The following CSF2RA variants were observed in gnomAD, a reference collection of about 807,000 sequenced individuals.
CSF2RA encodes the protein granulocyte-macrophage colony-stimulating factor receptor subunit alpha.
A neutral mutation model predicts 51.6 loss-of-function variants in CSF2RA; 42 were observed. The ratio of observed to expected loss-of-function variants is 0.81; its 90% confidence interval spans 0.64 to 1.05. The LOEUF (loss-of-function observed/expected upper bound fraction) is 1.05. Ranked by LOEUF, CSF2RA falls within the 50% of genes least tolerant of loss-of-function variation. The pLI is 0.00. For missense variants in CSF2RA, 530 were observed against 501.1 expected, an observed-to-expected ratio of 1.06 and a Z score of -0.55; for synonymous variants, 222 against 193.0, an observed-to-expected ratio of 1.15 and a Z score of -1.24.
Position 1,309,413 on chromosome X carries a change from G to C in CSF2RA, c.1137G>C (p.Glu379Asp). The part of the protein sequence containing the change: ...NHEVEDEIIW[E>D]EFTPEEGKGY... ...CTCCTTTTTCTCAGATCATCTGGGA[G>C]GAATTCACCCCAGAGGAAGGGAAAG... Residue 379 changes from glutamate (E) to aspartate (D), a missense_variant, in exon 13 of 13, where the codon GAG (glutamate) becomes GAC (aspartate). Coordinates refer to ENST00000381529, the MANE Select transcript of CSF2RA (RefSeq NM_172245.4). The C allele has an allele frequency of 3.7e-6, 6 of 1,613,936 alleles. No individual in the cohort carries two copies. Among genetic ancestry groups the C allele is most frequent in the Non-Finnish European group, 4.2e-6 (5 of 1,179,840 alleles).
intron 7 of CSF2RA, 42 bp downstream of exon 7, chrX:1,290,551 A>G: frequency 6.3e-7 from 1 of 1,597,350 alleles, no homozygotes; most frequent in Non-Finnish European, 8.6e-7. Context: ...TTATAGGTGA[A>G]ATGGAATTTG....
At chrX:1,314,927 G>A (rs189177523), downstream of CSF2RA, among the ~76,000 whole-genome samples, 18 of 44,284 alleles carry the variant, frequency 4.1e-4, 3 homozygotes, top group African/African-American at 1.5e-3. Context: ...CTGCCCAACC[G>A]CACTGCACTT....
chrX:1,280,934 C>CCTCCTCCTGCTTCTCCTCCTCCTCCTT (rs2089886635), intron 2 of CSF2RA, among the ~76,000 whole-genome samples: 2 of 77,312 alleles, frequency 2.6e-5, no homozygotes, highest in African/African-American at 1.0e-4. Flanking sequence ...TCCTTCTCCT[C>CCTCCTCCTGCTTCTCCTCCTCCTCCTT]CTCCTCCTCC....
At chrX:1,285,280 A>G (rs754939271) in intron 3 of CSF2RA, among the ~76,000 whole-genome samples, 45 of 152,032 alleles carry the variant, frequency 3.0e-4, no homozygotes, top group African/African-American at 1.1e-3. Flanking sequence ...AGGAGGGAAG[A>G]TGGACAAGGG....
At chrX:1,318,916 CAAA>C in the CSF2RA span, among the ~76,000 whole-genome samples, 2 of 137,338 alleles carry the variant, frequency 1.5e-5, no homozygotes, top group African/African-American at 5.4e-5. Context: ...GACTCCATCT[CAAA>C]AAAAAAAAAG....
chrX:1,321,594 C>T, the CSF2RA span, among the ~76,000 whole-genome samples: 1 of 148,436 alleles, frequency 6.7e-6, no homozygotes, highest in African/African-American at 2.5e-5. Context: ...AAAAAAGAAA[C>T]GCAGACAGCA....
At chrX:1,285,334 G>A (rs1323201660) in intron 3 of CSF2RA, among the ~76,000 whole-genome samples, 2 of 152,068 alleles carry the variant, frequency 1.3e-5, no homozygotes, top group Non-Finnish European at 2.9e-5. Context: ...GGGCCATGTG[G>A]GTGACAGAGG....
downstream of CSF2RA, among the ~76,000 whole-genome samples, chrX:1,314,544 AT>A (rs2084410604): frequency 1.7e-4 from 19 of 110,364 alleles, 1 homozygote; most frequent in African/African-American, 4.1e-4. Context: ...CACCTGCCCA[AT>A]CCCACTGCAC....
intron 1 of CSF2RA, among the ~76,000 whole-genome samples, chrX:1,271,812 C>T (rs60814436): frequency 0.12 from 18,296 of 151,970 alleles, 1,392 homozygotes; most frequent in East Asian, 0.27. Context: ...CCACGGAGCC[C>T]GGCCGGATTT....
At chrX:1,272,703 C>T (rs1195919612) in intron 1 of CSF2RA, among the ~76,000 whole-genome samples, 10 of 151,444 alleles carry the variant, frequency 6.6e-5, no homozygotes, top group African/African-American at 2.2e-4. Context: ...GTTGGCCAGG[C>T]TGGTCTTGAA....
rs748864520 is a variant in CSF2RA, at chrX:1,288,479, G to T, written c.220-40G>T. Reference sequence around the variant, plus strand: ...CCTGGGAGACTGTAGGAGACAGAAGGTTGTTTCCTAATCGGCTCTGTCTGG... The same window carrying T: ...CCTGGGAGACTGTAGGAGACAGAAGTTTGTTTCCTAATCGGCTCTGTCTGG... On this transcript the variant is annotated intron_variant, in intron 4 of 12. Coordinates refer to ENST00000381529, the MANE Select transcript of CSF2RA (RefSeq NM_172245.4). 3.0e-5 allele frequency: 49 copies of T among 1,613,514 alleles called. 1 individual carries two copies. The Admixed American group carries it at 5.0e-4, about 16-fold the overall frequency.
At chrX:1,321,431 T>C in the CSF2RA span, among the ~76,000 whole-genome samples, 1 of 151,846 alleles carries the variant, frequency 6.6e-6, no homozygotes, top group Non-Finnish European at 1.5e-5. Context: ...ATCGTGCCAC[T>C]GCACTCCAGC....
chrX:1,313,952 T>C (rs1159688211), downstream of CSF2RA, among the ~76,000 whole-genome samples: 1 of 152,100 alleles, frequency 6.6e-6, no homozygotes, highest in Non-Finnish European at 1.5e-5. Context: ...GATCATGCGA[T>C]TGCACTCCGG....
the CSF2RA span, among the ~76,000 whole-genome samples, chrX:1,320,807 A>G: frequency 6.0e-5 from 9 of 150,562 alleles, no homozygotes; most frequent in South Asian, 2.1e-4. Context: ...CACTGCACCC[A>G]GCCTGTTTTG....
the CSF2RA span, among the ~76,000 whole-genome samples, chrX:1,319,134 T>G: frequency 0.033 from 4,933 of 147,308 alleles, 308 homozygotes; most frequent in African/African-American, 0.12. Flanking sequence ...TAGCTGGGAT[T>G]ACAGGTGCCC....
intron 12 of CSF2RA, among the ~76,000 whole-genome samples, chrX:1,306,692 A>G (rs1269558879): frequency 3.9e-5 from 6 of 151,958 alleles, no homozygotes; most frequent in African/African-American, 1.4e-4. Flanking sequence ...GGGAGAGGAG[A>G]GAGACAGAGA....
the CSF2RA span, among the ~76,000 whole-genome samples, chrX:1,315,409 T>C: frequency 6.6e-6 from 1 of 152,052 alleles, no homozygotes; most frequent in South Asian, 2.1e-4. Flanking sequence ...TATTTTATTT[T>C]ATTTTGTTTT....
chrX:1,277,038 G>A (rs2089271437), intron 2 of CSF2RA, among the ~76,000 whole-genome samples: 1 of 152,036 alleles, frequency 6.6e-6, no homozygotes, highest in Non-Finnish European at 1.5e-5. Flanking sequence ...GGTGGAGGTT[G>A]CAGTGAGCTG....
chrX:1,314,972 G>GCACCTGCCCAACCGCACTGCA (rs1569515168), downstream of CSF2RA, among the ~76,000 whole-genome samples: 1 of 45,150 alleles, frequency 2.2e-5, no homozygotes, highest in Admixed American at 2.0e-4. Context: ...ACCCCACTGT[G>GCACCTGCCCAACCGCACTGCA]CCTGCCCAAT....
Sources: allele counts gnomAD v4.1 joint callset (sites outside exome capture counted in the v4.1 genomes callset), GRCh38; gene constraint gnomAD v4.1.1; transcripts MANE v1.5; gene names NCBI Gene and HGNC (gene_info 2026-07-23, HGNC 2026-07-21).